UHRF1: variants seen among roughly 807,000 people sequenced by gnomAD.
UHRF1 encodes the protein E3 ubiquitin-protein ligase UHRF1.
UHRF1 carries 9 observed loss-of-function variants against 96.5 expected under a neutral mutation model. That is an observed-to-expected ratio of 0.09 (90% CI 0.06 to 0.16). The LOEUF is 0.16. Ranked by LOEUF, UHRF1 falls within the 10% of genes least tolerant of loss-of-function variation. The pLI is 1.00. For synonymous variants in UHRF1, 455 were observed against 469.9 expected (o/e 0.97, Z 0.41); for missense variants, 626 against 1,131.1 (o/e 0.55, Z 6.40).
intron 2 of UHRF1, among the ~76,000 whole-genome samples, chr19:4,928,390 T>C (rs2032939757): frequency 6.6e-6 from 1 of 151,536 alleles, no homozygotes; most frequent in African/African-American, 2.4e-5. Flanking sequence ...TGGTGGAGTG[T>C]GAAGGGGCAG....
At chr19:4,925,532 T>TTTA (rs1396674434) in intron 2 of UHRF1, among the ~76,000 whole-genome samples, 3 of 152,234 alleles carry the variant, frequency 2.0e-5, no homozygotes, top group Non-Finnish European at 4.4e-5. Context: ...TTTATTTTAT[T>TTTA]TTATTTCTTA....
intron 5 of UHRF1, among the ~76,000 whole-genome samples, chr19:4,935,571 G>A (rs976799986): frequency 2.0e-5 from 3 of 151,358 alleles, no homozygotes; most frequent in African/African-American, 7.3e-5. Context: ...CTTGGTTCTT[G>A]GAGGCCGCCT....
At position 4,932,773 on chromosome 19, in the gene UHRF1, C is replaced by A; in HGVS notation, c.602C>A (p.Ser201Tyr). 6.2e-7 allele frequency: 1 copy of A among 1,613,880 alleles called. No individual in the cohort carries two copies. The highest frequency in any genetic ancestry group is 8.5e-7 in the Non-Finnish European group (1 of 1,179,882). The change falls in exon 5 of 17, where the codon TCC becomes TAC. Residue 201 changes from serine to tyrosine, a missense_variant. Coordinates refer to ENST00000650932, the MANE Select transcript of UHRF1 (RefSeq NM_001048201.3). ...GAGAACGGCGTGGTCCAGATGAACT[C>A]CAGGGACGTCCGAGCGCGCGCCCGC... is the stretch of plus-strand genomic sequence containing the variant. Reference protein sequence around the residue: ...YPENGVVQMNSRDVRARARTI... With the variant: ...YPENGVVQMNYRDVRARARTI...
upstream of UHRF1, among the ~76,000 whole-genome samples, chr19:4,905,461 A>AT (rs564794778): frequency 4.4e-4 from 64 of 145,584 alleles, no homozygotes; most frequent in Non-Finnish European, 5.8e-4. Flanking sequence ...TTTTTTTGCA[A>AT]TTTTTTTTTT....
intron 2 of UHRF1, among the ~76,000 whole-genome samples, chr19:4,925,126 C>T: frequency 6.6e-6 from 1 of 152,152 alleles, no homozygotes; most frequent in Admixed American, 6.6e-5. Context: ...TGTGCCTGGC[C>T]TGCTTCATGT....
chr19:4,909,543 G>A lies in UHRF1; in HGVS notation c.-123G>A, dbSNP rs553343416. 1.7e-5 allele frequency: 11 copies of A among 659,152 alleles called. No individual in the cohort carries two copies. The East Asian group carries it at 3.2e-4, about 19-fold the overall frequency. 40.8% of individuals were successfully genotyped at this position (659,152 alleles called of 1,614,324 possible). On this transcript the variant is annotated 5_prime_UTR_variant, in exon 1 of 17. Coordinates refer to ENST00000650932, the MANE Select transcript of UHRF1 (RefSeq NM_001048201.3). Reference sequence around the variant, plus strand: ...GGCGGGCAGCGTTTGCCGAGCGGGCGCTCCGGGTCGCACGCAAGTCCGCGC... The same window carrying A: ...GGCGGGCAGCGTTTGCCGAGCGGGCACTCCGGGTCGCACGCAAGTCCGCGC...
chr19:4,958,916 C>T (rs1218096049), intron 16 of UHRF1, among the ~76,000 whole-genome samples: 6 of 150,052 alleles, frequency 4.0e-5, no homozygotes, highest in Admixed American at 1.3e-4. Context: ...GAGCTGAGAT[C>T]GCGCCATTGT....
In UHRF1 at chr19:4,932,911, G is replaced by A. The variant is rs1309609195; in HGVS notation, c.740G>A (p.Arg247His). The change falls in exon 5 of 17, where the codon CGC becomes CAC. Residue 247 changes from arginine (R) to histidine (H), a missense_variant. This residue lies in a region of UHRF1 where 198 missense variants were observed against 235.1 expected (regional missense o/e 0.84). Transcript: ENST00000650932. ...FWYDAEISRK[R>H]ETRTARELYA... ...TACGACGCGGAGATCTCCAGGAAGC[G>A]CGAGACCAGGACGGCGCGGGAACTC... 3 of 1,613,584 alleles carry A rather than the reference G, an allele frequency of 1.9e-6. No homozygotes were observed. Among genetic ancestry groups the A allele is most frequent in the African/African-American group, 1.3e-5 (1 of 74,950 alleles).
At chr19:4,942,135 G>C (rs532195452) in intron 7 of UHRF1, among the ~76,000 whole-genome samples, 2 of 152,276 alleles carry the variant, frequency 1.3e-5, no homozygotes, top group East Asian at 3.9e-4. Context: ...GGGGGACGTA[G>C]AGACTCTGTT....
At chr19:4,945,118 T>C (rs2033524351) in intron 9 of UHRF1, among the ~76,000 whole-genome samples, 2 of 152,194 alleles carry the variant, frequency 1.3e-5, no homozygotes, top group Non-Finnish European at 2.9e-5. Flanking sequence ...GCTGTATCCC[T>C]AGTGCTCAGC....
intron 5 of UHRF1, among the ~76,000 whole-genome samples, chr19:4,935,689 T>A (rs538674769): frequency 2.0e-5 from 3 of 152,118 alleles, no homozygotes; most frequent in Non-Finnish European, 4.4e-5. Context: ...TAGTAAGATA[T>A]AGAGCATCGT....
In UHRF1 at chr19:4,930,324, T is replaced by C. The variant is rs1222372196; in HGVS notation, c.409-392T>C. On this transcript the variant is annotated intron_variant, in intron 3 of 16. Transcript: ENST00000650932. The surrounding 1 kb of genome is among the most constrained non-coding windows in gnomAD (Gnocchi z 4.4). ...CGTCTTACCATGTTGCCCAGGCTAG[T>C]CTTGAATTCCGGGGCTCAAGCGATC... is the stretch of plus-strand genomic sequence containing the variant. 6.6e-6 allele frequency among the ~76,000 whole-genome samples: 1 copy of C among 152,154 alleles called. No homozygotes were observed. Among genetic ancestry groups the C allele is most frequent in the Non-Finnish European group, 1.5e-5 (1 of 68,032 alleles).
intron 5 of UHRF1, 75 bp from the exon 6 acceptor site, chr19:4,941,453 G>C (rs578084078): frequency 6.9e-6 from 8 of 1,165,146 alleles, no homozygotes; most frequent in Non-Finnish European, 1.0e-5. Flanking sequence ...CCGAGAACCC[G>C]TGGTGTTCAA....
intron 11 of UHRF1, among the ~76,000 whole-genome samples, chr19:4,948,186 C>T (rs541374145): frequency 1.1e-4 from 17 of 151,556 alleles, no homozygotes; most frequent in African/African-American, 4.1e-4. Flanking sequence ...CTCTTCAGCT[C>T]TTGTGTCGTA....
At chr19:4,934,379 A>G (rs1366082770) in intron 5 of UHRF1, among the ~76,000 whole-genome samples, 2 of 152,168 alleles carry the variant, frequency 1.3e-5, no homozygotes, top group East Asian at 3.9e-4. Context: ...GTTCGGTGGC[A>G]TTAAACGCAT....
chr19:4,945,962 T>C lies in UHRF1; in HGVS notation c.1407T>C (p.Asp469=), dbSNP rs2250978. Residue 469 remains aspartate (D), a synonymous_variant, in exon 10 of 17, where the codon GAT becomes GAC. Transcript: ENST00000650932. ...TCCTGGCGGGGGGCTATGAGGATGA[T>C]GTGGTGAGTGTGTGTGTGGGAGGGG... is the stretch of plus-strand genomic sequence containing the variant. The part of the protein sequence containing the change: ...SLVLAGGYED[D]VDHGNFFTYT... 0.95 allele frequency: 1,489,337 copies of C among 1,565,504 alleles called. 708,751 individuals carry two copies. Among genetic ancestry groups the C allele is most frequent in the East Asian group, 1 (43,449 of 43,462 alleles).
chr19:4,912,152 C>T (rs562724114), intron 2 of UHRF1, among the ~76,000 whole-genome samples: 1 of 152,252 alleles, frequency 6.6e-6, no homozygotes, highest in African/African-American at 2.4e-5. Context: ...TCTGAGTTAA[C>T]CCGCCCTGCC....
intron 2 of UHRF1, among the ~76,000 whole-genome samples, chr19:4,916,021 A>C (rs2032485460): frequency 6.6e-6 from 1 of 151,956 alleles, no homozygotes; most frequent in Non-Finnish European, 1.5e-5. Context: ...AGTGTGTTAG[A>C]AGTTGAGGCC....
At chr19:4,953,767 T>C (rs1382227590) in intron 13 of UHRF1, among the ~76,000 whole-genome samples, 3 of 152,188 alleles carry the variant, frequency 2.0e-5, no homozygotes, top group African/African-American at 7.2e-5. Flanking sequence ...ATGTTTAATA[T>C]TAATATTTTA....
Sources: gnomAD v4.1 joint callset for allele counts (sites outside exome capture counted in the v4.1 genomes callset) on GRCh38, gnomAD v4.1.1 for gene constraint, gnomAD v4.1.1 regional missense constraint, Gnocchi (gnomAD v3.1) non-coding constraint, MANE v1.5 for transcripts, NCBI Gene and HGNC (gene_info 2026-07-23, HGNC 2026-07-21) for gene names.